Variants in FYTTD1 observed in about 807,000 individuals in gnomAD.
FYTTD1 encodes the protein UAP56-interacting factor.
In FYTTD1, 22 loss-of-function variants were observed where a neutral mutation model predicts 40.9. That is an observed-to-expected ratio of 0.54 (90% confidence interval 0.38 to 0.77). FYTTD1 has a LOEUF of 0.77. FYTTD1 is among the 30% of genes least tolerant of loss of function. FYTTD1 has a pLI of 0.00. For missense variants in FYTTD1, 351 were observed against 392.2 expected, an observed-to-expected ratio of 0.90 and a Z score of 0.89; for synonymous variants, 140 against 137.9, an observed-to-expected ratio of 1.01 and a Z score of -0.10.
chr3:197,781,282 C>T (rs982553515), intron 8 of FYTTD1, among the ~76,000 whole-genome samples: 1 of 151,062 alleles, frequency 6.6e-6, no homozygotes, highest in Non-Finnish European at 1.5e-5. Context: ...CCACTGCACT[C>T]CAGCCTGGAT....
intron 8 of FYTTD1, among the ~76,000 whole-genome samples, chr3:197,780,745 A>G (rs1580472422): frequency 6.6e-6 from 1 of 151,870 alleles, no homozygotes; most frequent in African/African-American, 2.4e-5. Context: ...GGGTTTCACC[A>G]TATTGGCCAG....
intron 7 of FYTTD1, 62 bp from the exon 8 acceptor site, chr3:197,778,276 A>G: frequency 1.5e-6 from 2 of 1,323,384 alleles, no homozygotes; most frequent in East Asian, 2.4e-5. Context: ...CTTAAGTACC[A>G]AGTGAATTTA....
intron 1 of FYTTD1, chr3:197,750,539 C>T: frequency 1.0e-6 from 1 of 985,072 alleles, no homozygotes; most frequent in Non-Finnish European, 1.2e-6. Context: ...GCCGGGGCTG[C>T]GGTCGGTTAA....
intron 1 of FYTTD1, among the ~76,000 whole-genome samples, chr3:197,752,326 C>T (rs773206589): frequency 3.3e-5 from 5 of 152,180 alleles, no homozygotes; most frequent in Admixed American, 6.5e-5. Context: ...CCCAGTGCCT[C>T]ATCTGTAGAA....
chr3:197,770,043 C>T, intron 3 of FYTTD1, 89 bp from the exon 4 acceptor site: 4 of 760,466 alleles, frequency 5.3e-6, no homozygotes, highest in Non-Finnish European at 8.8e-6. Context: ...AGTTGTCAAT[C>T]CTTGTTCATT....
chr3:197,754,671 T>C (rs914993938), intron 1 of FYTTD1, among the ~76,000 whole-genome samples: 6 of 150,792 alleles, frequency 4.0e-5, no homozygotes, highest in African/African-American at 7.3e-5. Flanking sequence ...TTCTTTCTTT[T>C]TTTTTTTTTT....
intron 6 of FYTTD1, 130 bp downstream of exon 6, chr3:197,774,340 C>T: frequency 1.4e-6 from 1 of 740,686 alleles, no homozygotes; most frequent in South Asian, 1.7e-5. Flanking sequence ...GAAAGCTGGG[C>T]ATAGTGGTGC....
rs1005633696 is a variant in FYTTD1, at chr3:197,785,539, G to A, written c.*3630G>A. On this transcript the variant is annotated 3_prime_UTR_variant, in exon 9 of 9. Transcript: ENST00000241502. Reference sequence around the variant, plus strand: ...TGTATATCATTATTAATATTTTACTGTAAATAGCTTTGTAATTCACACAAA... The same window carrying A: ...TGTATATCATTATTAATATTTTACTATAAATAGCTTTGTAATTCACACAAA... The A allele has an allele frequency of 1.4e-4, 22 of 152,052 alleles. No homozygotes were observed. Among genetic ancestry groups the A allele is most frequent in the Admixed American group, 1.4e-3 (21 of 15,268 alleles). 9.4% of individuals were successfully genotyped at this position (152,052 alleles called of 1,614,324 possible).
In FYTTD1 at chr3:197,756,457, G is replaced by A; in HGVS notation, c.135G>A (p.Gly45=). The A allele has an allele frequency of 6.2e-7, 1 of 1,607,806 alleles. No homozygotes were observed. Among genetic ancestry groups the A allele is most frequent in the South Asian group, 1.1e-5 (1 of 90,932 alleles). ...TCATCAAGTTGAATCGAAAGGAAGG[G>A]AAGAAGCAGAATTTTCCAAGACTAA... The part of the protein sequence containing the change: ...DDIIKLNRKE[G]KKQNFPRLNR... Residue 45 remains glycine (G), a synonymous_variant, in exon 2 of 9, where the codon GGG becomes GGA. Transcript: ENST00000241502.
Position 197,755,611 on chromosome 3 carries a change from AATTTATTTATTTATTT to A in FYTTD1, c.104-782_104-767del, listed in dbSNP as rs10554264. ...CAGGCATGCACCGCCATACCCGGCT[AATTTATTTATTTATTT>A]ATTTATTTATTTATTTATTTATTTA... On this transcript the variant is annotated intron_variant, in intron 1 of 8. Coordinates refer to ENST00000241502, the MANE Select transcript of FYTTD1 (RefSeq NM_032288.7). The A allele has an allele frequency of 8.0e-4, 161 of 201,170 alleles. 2 individuals carry two copies. The highest frequency in any genetic ancestry group is 7.2e-3 in the East Asian group (66 of 9,208). 12.5% of individuals were successfully genotyped at this position (201,170 alleles called of 1,614,324 possible). A position where few individuals can be genotyped will look rare whatever the true frequency, so the allele number is the denominator to read the frequency against.
chr3:197,753,217 G>C (rs1729115302), intron 1 of FYTTD1, among the ~76,000 whole-genome samples: 2 of 152,108 alleles, frequency 1.3e-5, no homozygotes, highest in Admixed American at 1.3e-4. Context: ...AATCTTACCA[G>C]GTTTGCAGAG....
At chr3:197,774,269 C>A in intron 6 of FYTTD1, 59 bp downstream of exon 6, 1 of 1,330,232 alleles carries the variant, frequency 7.5e-7, no homozygotes, top group South Asian at 1.2e-5. Flanking sequence ...ACTAACTACC[C>A]AAATTATCAT....
chr3:197,770,930 G>A (rs974877301), intron 4 of FYTTD1, among the ~76,000 whole-genome samples: 3 of 152,178 alleles, frequency 2.0e-5, no homozygotes, highest in Non-Finnish European at 2.9e-5. Context: ...AGTCTGGATG[G>A]CTCTTACTAG....
At chr3:197,749,873 G>C, upstream of FYTTD1, 1 of 726,196 alleles carries the variant, frequency 1.4e-6, no homozygotes, top group Non-Finnish European at 2.0e-6. Context: ...CGGCGCGTGC[G>C]CGCTCCCTCG....
intron 1 of FYTTD1, among the ~76,000 whole-genome samples, chr3:197,753,587 G>A (rs1295522420): frequency 3.3e-5 from 5 of 150,744 alleles, no homozygotes; most frequent in African/African-American, 9.8e-5. Context: ...GGAGAAAGCC[G>A]TTTTCTTTTT....
chr3:197,779,253 A>G (rs1729957526), intron 8 of FYTTD1, among the ~76,000 whole-genome samples: 1 of 152,110 alleles, frequency 6.6e-6, no homozygotes, highest in Non-Finnish European at 1.5e-5. Flanking sequence ...TGTCTCTACT[A>G]AAAATACAAA....
intron 6 of FYTTD1, among the ~76,000 whole-genome samples, chr3:197,775,573 G>A (rs528146362): frequency 2.7e-4 from 41 of 152,302 alleles, no homozygotes; most frequent in Non-Finnish European, 3.8e-4. Context: ...CTCCATATCC[G>A]TGGATTGTTT....
chr3:197,761,625 A>T (rs1430396314), intron 2 of FYTTD1, among the ~76,000 whole-genome samples: 1 of 152,248 alleles, frequency 6.6e-6, no homozygotes. Context: ...GTTGTTCTTC[A>T]GTGGTGGAAT....
At chr3:197,772,395 A>G (rs1355048381) in intron 4 of FYTTD1, among the ~76,000 whole-genome samples, 1 of 152,230 alleles carries the variant, frequency 6.6e-6, no homozygotes, top group Non-Finnish European at 1.5e-5. Flanking sequence ...ATAGATAAAT[A>G]TGAAATTTTA....
Sources: allele counts gnomAD v4.1 joint callset (sites outside exome capture counted in the v4.1 genomes callset), GRCh38; gene constraint gnomAD v4.1.1; transcripts MANE v1.5; gene names NCBI Gene and HGNC (gene_info 2026-07-23, HGNC 2026-07-21).